The following COL15A1 variants were observed in gnomAD, a reference collection of about 807,000 sequenced individuals.
COL15A1 encodes collagen type XV alpha 1 chain.
In COL15A1, 111 loss-of-function variants were observed where a neutral mutation model predicts 165.9. The ratio of observed to expected loss-of-function variants is 0.67; its 90% CI spans 0.57 to 0.78. COL15A1 has a LOEUF of 0.78. Among genes scored for constraint, COL15A1 ranks in the 30% least tolerant of loss-of-function variants. The pLI is 0.00. For missense variants in COL15A1, 1,745 were observed against 1,789.7 expected, an observed-to-expected ratio of 0.98 and a Z score of 0.45; for synonymous variants, 659 against 674.8, an observed-to-expected ratio of 0.98 and a Z score of 0.36.
At chr9:99,012,159 C>T (rs1199240689) in intron 9 of COL15A1, among the ~76,000 whole-genome samples, 1 of 152,158 alleles carries the variant, frequency 6.6e-6, no homozygotes, top group African/African-American at 2.4e-5. Context: ...TATTGCTTTA[C>T]CAGTAATTTT....
chr9:98,947,656 C>G (rs1166984072), intron 2 of COL15A1, among the ~76,000 whole-genome samples: 2 of 152,176 alleles, frequency 1.3e-5, no homozygotes, highest in Non-Finnish European at 2.9e-5. Flanking sequence ...AACTTAAAAG[C>G]TGCTGGCCTC....
chr9:99,055,250 C>T lies in COL15A1; in HGVS notation c.3082-12C>T, dbSNP rs201670282. 16 of 1,600,766 alleles carry T rather than the reference C, an allele frequency of 1.0e-5. No individual in the cohort carries two copies. The East Asian group carries it at 3.6e-4, about 36-fold the overall frequency. On this transcript the variant is annotated splice_polypyrimidine_tract_variant and intron_variant, in intron 33 of 41. Coordinates refer to ENST00000375001, the MANE Select transcript of COL15A1 (RefSeq NM_001855.5). ...ACTCTTACTGAAATATTCCTGTGTT[C>T]TCTGCTTCCAGGGGGAGAATGGAGA...
chr9:98,987,236 C>G lies in COL15A1; in HGVS notation c.649-58C>G, dbSNP rs1838331021. On this transcript the variant is annotated intron_variant, in intron 3 of 41. Transcript: ENST00000375001. The stretch of plus-strand genomic sequence containing the variant: ...ATTGCCAAAACAATCATGTCTTCCA[C>G]TGGCAGTCATGCTGTGTACGTGCAA... 8 of 1,493,556 alleles carry G rather than the reference C, an allele frequency of 5.4e-6. No individual in the cohort carries two copies. The South Asian group carries it at 8.1e-5, about 15-fold the overall frequency. The allele number at this position is 1,493,556 out of a possible 1,614,324, so 92.5% of individuals were successfully genotyped here.
intron 4 of COL15A1, among the ~76,000 whole-genome samples, chr9:98,988,968 C>T (rs1303750799): frequency 6.6e-6 from 1 of 151,320 alleles, no homozygotes; most frequent in Non-Finnish European, 1.5e-5. Flanking sequence ...AAACAAATAA[C>T]CAACCATGCA....
At position 99,062,245 on chromosome 9, in the gene COL15A1, C is replaced by G; in HGVS notation, c.3532C>G (p.Leu1178Val). The G allele has an allele frequency of 6.2e-7, 1 of 1,613,288 alleles. No individual in the cohort carries two copies. The highest frequency in any genetic ancestry group is 8.5e-7 in the Non-Finnish European group (1 of 1,179,272). The change falls in exon 38 of 42, where the codon CTG becomes GTG. Residue 1178 changes from leucine (L) to valine (V), a missense_variant and splice_region_variant. Coordinates refer to ENST00000375001, the MANE Select transcript of COL15A1 (RefSeq NM_001855.5). Reference protein sequence around the residue: ...RVRDGWKKLQLGELIPIPADS... With the variant: ...RVRDGWKKLQVGELIPIPADS... ...TTTCAATGTACTGTTTTTCTTAAAG[C>G]TGGGAGAACTGATCCCCATTCCTGC... is the stretch of plus-strand genomic sequence containing the variant.
intron 2 of COL15A1, among the ~76,000 whole-genome samples, chr9:98,960,215 C>T (rs1394691954): frequency 6.6e-6 from 1 of 151,934 alleles, no homozygotes; most frequent in Non-Finnish European, 1.5e-5. Flanking sequence ...TGAGACCAGC[C>T]TGGGCACCAT....
rs997548603 is a variant in COL15A1 at position 99,025,902 on chromosome 9, A to G, written c.1981-2A>G. 2 of 1,612,550 alleles carry G rather than the reference A, an allele frequency of 1.2e-6. No individual in the cohort carries two copies. The highest frequency in any genetic ancestry group is 2.7e-5 in the African/African-American group (2 of 74,888). ...GGGTTGATTGTCACTGATGTTCCCC[A>G]GGGCCCTGAGGGACAGCCTGGAGTT... On this transcript the variant is annotated splice_acceptor_variant, in intron 15 of 41. Coordinates refer to ENST00000375001, the MANE Select transcript of COL15A1 (RefSeq NM_001855.5). LOFTEE classifies it high-confidence loss of function.
Position 99,054,509 on chromosome 9 carries a change from A to T in COL15A1, c.2951-67A>T. On this transcript the variant is annotated intron_variant, in intron 31 of 41. Transcript: ENST00000375001. Reference sequence around the variant, plus strand: ...TGAGCTTAGTTTGAAAACCTGTCTCAGAAAGGTTTTATATAGAAAGAAGGT... The same window carrying T: ...TGAGCTTAGTTTGAAAACCTGTCTCTGAAAGGTTTTATATAGAAAGAAGGT... The T allele has an allele frequency of 2.7e-6, 4 of 1,497,876 alleles. No homozygotes were observed. The East Asian group carries it at 9.7e-5, about 36-fold the overall frequency. The allele number at this position is 1,497,876 out of a possible 1,614,324, so 92.8% of individuals were successfully genotyped here.
intron 2 of COL15A1, among the ~76,000 whole-genome samples, chr9:98,973,571 G>T (rs1282535906): frequency 6.6e-6 from 1 of 152,210 alleles, no homozygotes; most frequent in Non-Finnish European, 1.5e-5. Flanking sequence ...GGATTGTGTT[G>T]TGTTCATTTT....
At chr9:98,973,547 C>A (rs534624962) in intron 2 of COL15A1, among the ~76,000 whole-genome samples, 2 of 152,200 alleles carry the variant, frequency 1.3e-5, no homozygotes, top group African/African-American at 4.8e-5. Context: ...TGCAGATAAA[C>A]CCTCAGGCAC....
chr9:98,954,784 C>T (rs1433469389), intron 2 of COL15A1, among the ~76,000 whole-genome samples: 2 of 152,182 alleles, frequency 1.3e-5, no homozygotes, highest in Non-Finnish European at 2.9e-5. Context: ...GAACGCCAAG[C>T]CCACCCTGCC....
intron 9 of COL15A1, among the ~76,000 whole-genome samples, chr9:99,011,249 C>T (rs1838842973): frequency 6.6e-6 from 1 of 151,638 alleles, no homozygotes; most frequent in South Asian, 2.1e-4. Flanking sequence ...AAATCAAAAC[C>T]CAATCTCTGG....
chr9:98,990,766 A>C (rs569946776), intron 5 of COL15A1, among the ~76,000 whole-genome samples: 5 of 152,290 alleles, frequency 3.3e-5, no homozygotes, highest in African/African-American at 1.2e-4. Flanking sequence ...GAAGGAAGAG[A>C]ACTGGCATTT....
At chr9:98,962,608 TG>T (rs1275073725) in intron 2 of COL15A1, among the ~76,000 whole-genome samples, 1 of 152,216 alleles carries the variant, frequency 6.6e-6, no homozygotes, top group African/African-American at 2.4e-5. Flanking sequence ...TTCAAGGTCC[TG>T]GGGGGCTCTT....
rs1299336271 is a variant in COL15A1, at chr9:98,995,342, C to T, written c.805-1592C>T. 2.6e-5 allele frequency among the ~76,000 whole-genome samples: 4 copies of T among 152,104 alleles called. No individual in the cohort carries two copies. In the East Asian group the frequency reaches 7.7e-4, roughly 29 times the overall value. On this transcript the variant is annotated intron_variant, in intron 5 of 41. Transcript: ENST00000375001. ...GTCTTGTGGACTTCTTTACTGCCACCCCCCAGTCACCTGGCGTAAGCCTCA... is the reference window on the plus strand; with the variant it reads ...GTCTTGTGGACTTCTTTACTGCCACTCCCCAGTCACCTGGCGTAAGCCTCA...
intron 4 of COL15A1, 149 bp from the exon 5 acceptor site, chr9:98,989,029 C>T: frequency 8.2e-6 from 4 of 488,294 alleles, no homozygotes; most frequent in Non-Finnish European, 1.5e-5. Flanking sequence ...CATAGACACA[C>T]ACACACACAC....
At chr9:98,994,515 A>G (rs1281102319) in intron 5 of COL15A1, among the ~76,000 whole-genome samples, 2 of 151,728 alleles carry the variant, frequency 1.3e-5, no homozygotes, top group Non-Finnish European at 2.9e-5. Context: ...GCTCTCACTC[A>G]CGCCATCCCA....
intron 16 of COL15A1, among the ~76,000 whole-genome samples, chr9:99,029,852 G>A (rs999163003): frequency 2.6e-5 from 4 of 151,950 alleles, no homozygotes; most frequent in African/African-American, 9.7e-5. Context: ...CTGAACCCGG[G>A]AGGCCGGGGT....
At chr9:98,956,019 G>A (rs1336474688) in intron 2 of COL15A1, among the ~76,000 whole-genome samples, 1 of 152,176 alleles carries the variant, frequency 6.6e-6, no homozygotes, top group Admixed American at 6.5e-5. Context: ...AATACCAAGG[G>A]TATGGCTGGG....
Sources: allele counts gnomAD v4.1 joint callset (sites outside exome capture counted in the v4.1 genomes callset), GRCh38; gene constraint gnomAD v4.1.1; transcripts MANE v1.5; gene names NCBI Gene and HGNC (gene_info 2026-07-23, HGNC 2026-07-21).